Variants in PIGB observed in about 807,000 individuals in gnomAD.
The protein encoded by PIGB is phosphatidylinositol glycan anchor biosynthesis class B, also known as GPI alpha-1,2-mannosyltransferase 3.
PIGB carries 58 observed loss-of-function variants against 68.4 expected under a neutral mutation model. The ratio of observed to expected loss-of-function variants is 0.85; its 90% CI spans 0.69 to 1.06. The LOEUF (loss-of-function observed/expected upper bound fraction) is 1.06, where lower values mean the gene tolerates loss of function less well. PIGB is among the 50% of genes least tolerant of loss of function. PIGB has a pLI of 0.00. For missense variants in PIGB, 634 were observed against 655.8 expected, an observed-to-expected ratio of 0.97 and a Z score of 0.36; for synonymous variants, 219 against 220.5, an observed-to-expected ratio of 0.99 and a Z score of 0.06.
chr15:55,347,303 G>A (rs1167861420), intron 9 of PIGB, among the ~76,000 whole-genome samples: 1 of 152,146 alleles, frequency 6.6e-6, no homozygotes, highest in Non-Finnish European at 1.5e-5. Context: ...GCAGGCACCT[G>A]TAATCCCAGC....
chr15:55,352,110 G>A (rs887396486), intron 10 of PIGB, among the ~76,000 whole-genome samples: 15 of 151,496 alleles, frequency 9.9e-5, no homozygotes, highest in Admixed American at 9.2e-4. Flanking sequence ...CACCATGCCC[G>A]GCTAATTTTG....
At chr15:55,345,585 CCT>C (rs767424960) in intron 9 of PIGB, among the ~76,000 whole-genome samples, 3 of 152,110 alleles carry the variant, frequency 2.0e-5, no homozygotes, top group African/African-American at 4.8e-5. Context: ...AGGGTGAAAC[CCT>C]GTCTCTACTA....
intron 9 of PIGB, among the ~76,000 whole-genome samples, chr15:55,344,854 C>G (rs866287766): frequency 3.3e-5 from 5 of 149,384 alleles, no homozygotes; most frequent in Admixed American, 1.3e-4. Context: ...ATAGACTTCT[C>G]TCTTACTGGG....
At chr15:55,321,247 G>C (rs752725690) in intron 2 of PIGB, 26 bp from the exon 3 acceptor site, 1 of 1,526,878 alleles carries the variant, frequency 6.5e-7, no homozygotes, top group East Asian at 2.3e-5. Context: ...CAATATTATT[G>C]GACATTTACT....
At chr15:55,337,454 A>G (rs554737394) in intron 6 of PIGB, among the ~76,000 whole-genome samples, 11 of 152,312 alleles carry the variant, frequency 7.2e-5, no homozygotes, top group Admixed American at 5.9e-4. Flanking sequence ...ACATTCTTAC[A>G]GAAGTGTGAA....
At chr15:55,320,706 T>G (rs1164111866) in intron 2 of PIGB, among the ~76,000 whole-genome samples, 1 of 152,200 alleles carries the variant, frequency 6.6e-6, no homozygotes, top group African/African-American at 2.4e-5. Flanking sequence ...TATGTGAACT[T>G]TTATGTGGTC....
chr15:55,320,266 G>C lies in PIGB; in HGVS notation c.164-9G>C. ...GTGCCACTATTACCTGTTTTGTTCT[G>C]TTTTTCAGATCTTCTTGGAGAAAAT... On this transcript the variant is annotated splice_polypyrimidine_tract_variant and intron_variant, in intron 1 of 11. Transcript: ENST00000164305. 6.2e-7 allele frequency: 1 copy of C among 1,610,366 alleles called. No individual in the cohort carries two copies. Among genetic ancestry groups the C allele is most frequent in the Non-Finnish European group, 8.5e-7 (1 of 1,178,262 alleles).
chr15:55,344,450 AC>A (rs1175818227), intron 9 of PIGB, among the ~76,000 whole-genome samples: 6 of 152,252 alleles, frequency 3.9e-5, no homozygotes, highest in Admixed American at 1.3e-4. Context: ...TGTCACTTCC[AC>A]CACATTCTTT....
intron 9 of PIGB, among the ~76,000 whole-genome samples, chr15:55,348,619 C>T (rs1354047750): frequency 2.0e-5 from 3 of 152,180 alleles, no homozygotes; most frequent in South Asian, 2.1e-4. Flanking sequence ...CACTTTCTTG[C>T]TTCTGCTCTC....
At chr15:55,336,610 G>T (rs1321216928) in intron 6 of PIGB, among the ~76,000 whole-genome samples, 1 of 152,198 alleles carries the variant, frequency 6.6e-6, no homozygotes, top group Non-Finnish European at 1.5e-5. Context: ...AAACAGAATG[G>T]CTGTATGGGT....
chr15:55,352,553 G>A (rs940012784), intron 10 of PIGB, among the ~76,000 whole-genome samples: 1 of 152,118 alleles, frequency 6.6e-6, no homozygotes, highest in African/African-American at 2.4e-5. Flanking sequence ...TTGTGAGGCC[G>A]AGGCGGGCAG....
At chr15:55,345,984 G>C (rs1467879665) in intron 9 of PIGB, among the ~76,000 whole-genome samples, 1 of 151,424 alleles carries the variant, frequency 6.6e-6, no homozygotes, top group African/African-American at 2.5e-5. Flanking sequence ...AATGTGGTAG[G>C]GATTTTTTTT....
chr15:55,321,372 A>G lies in PIGB; in HGVS notation c.399A>G (p.Lys133=), dbSNP rs762682000. 1 of 1,602,988 alleles carries G rather than the reference A, an allele frequency of 6.2e-7. No homozygotes were observed. Among genetic ancestry groups the G allele is most frequent in the Non-Finnish European group, 8.5e-7 (1 of 1,174,128 alleles). Residue 133 remains lysine (K), a synonymous_variant, in exon 3 of 12, where the codon AAA becomes AAG. Coordinates refer to ENST00000164305, the MANE Select transcript of PIGB (RefSeq NM_004855.5). ...SIYKILHLLG[K]DSVQLLIWIP... is the part of the protein sequence containing the mutation. The stretch of plus-strand genomic sequence containing the variant: ...ACAAGATTCTTCATCTTTTAGGGAA[A>G]GATAGTGTTCAGTTGCTGGTAAGTT...
intron 1 of PIGB, 139 bp downstream of exon 1, chr15:55,319,552 C>CA (rs2055114907): frequency 1.6e-6 from 1 of 618,682 alleles, no homozygotes. Context: ...GCTGGAAACA[C>CA]AGATTTTAAT....
At chr15:55,324,028 C>G (rs113157157) in intron 3 of PIGB, among the ~76,000 whole-genome samples, 41,848 of 152,076 alleles carry the variant, frequency 0.28, 6,875 homozygotes, top group East Asian at 0.55. Flanking sequence ...GCTGGGATTA[C>G]AGGTGTCTGC....
At chr15:55,349,596 A>C (rs1289495549) in intron 9 of PIGB, 2 of 151,994 alleles carry the variant, frequency 1.3e-5, no homozygotes, top group Non-Finnish European at 2.9e-5. Flanking sequence ...TTCTTTAATC[A>C]GAACTATTTC....
At chr15:55,324,525 G>A (rs2055236674) in intron 3 of PIGB, among the ~76,000 whole-genome samples, 1 of 152,162 alleles carries the variant, frequency 6.6e-6, no homozygotes, top group Non-Finnish European at 1.5e-5. Context: ...CGGGGTAAAT[G>A]TCTCTAGCTC....
chr15:55,336,925 CG>C (rs1228872510), intron 6 of PIGB, among the ~76,000 whole-genome samples: 5 of 151,974 alleles, frequency 3.3e-5, no homozygotes, highest in Non-Finnish European at 7.4e-5. Flanking sequence ...CAGAGGTAGA[CG>C]TTGCAATGAA....
chr15:55,320,180 T>C, intron 1 of PIGB, 95 bp from the exon 2 acceptor site: 1 of 1,243,368 alleles, frequency 8.0e-7, no homozygotes, highest in Non-Finnish European at 1.1e-6. Flanking sequence ...CTACTGTGCC[T>C]TACAAGGAGC....
Sources: gnomAD v4.1 joint callset for allele counts (sites outside exome capture counted in the v4.1 genomes callset) on GRCh38, gnomAD v4.1.1 for gene constraint, MANE v1.5 for transcripts, NCBI Gene and HGNC (gene_info 2026-07-23, HGNC 2026-07-21) for gene names.